The following MED13L variants were observed in gnomAD, a reference collection of about 807,000 sequenced individuals.
MED13L encodes the protein mediator complex subunit 13L, also known as mediator of RNA polymerase II transcription subunit 13-like.
In MED13L, 7 loss-of-function variants were observed where a neutral mutation model predicts 220.9. The ratio of observed to expected loss-of-function variants is 0.03; its 90% CI spans 0.02 to 0.06. The LOEUF is 0.06. Ranked by LOEUF, MED13L falls within the 10% of genes least tolerant of loss-of-function variation. The pLI, the probability that MED13L is intolerant of heterozygous loss-of-function variation, is 1.00. For missense variants in MED13L, 1,965 were observed against 2,760.5 expected (o/e 0.71, Z 6.46); for synonymous variants, 1,011 against 1,015.2 (o/e 1.00, Z 0.08).
intron 1 of MED13L, chr12:116,276,708 T>C (rs2138615006): frequency 1.8e-6 from 1 of 560,260 alleles, no homozygotes; most frequent in South Asian, 2.2e-5. Flanking sequence ...CTTCCACATT[T>C]ACGGGGGGAA....
intron 19 of MED13L, among the ~76,000 whole-genome samples, chr12:115,985,376 T>C (rs1434873222): frequency 2.6e-5 from 4 of 152,258 alleles, no homozygotes; most frequent in African/African-American, 9.6e-5. Context: ...TCCTCATTTC[T>C]TTGTAGCAAC....
chr12:116,102,156 G>A (rs533812222), intron 3 of MED13L, among the ~76,000 whole-genome samples: 17 of 152,324 alleles, frequency 1.1e-4, no homozygotes, highest in African/African-American at 4.1e-4. Context: ...GTGTGTATGT[G>A]TGTACCTAAT....
chr12:116,010,343 C>T (rs998392053), intron 9 of MED13L, among the ~76,000 whole-genome samples: 5 of 152,120 alleles, frequency 3.3e-5, no homozygotes, highest in African/African-American at 9.7e-5. Flanking sequence ...TATGAAGGTA[C>T]TTACTTTAAA....
intron 4 of MED13L, among the ~76,000 whole-genome samples, chr12:116,089,289 C>A (rs546083488): frequency 6.6e-6 from 1 of 152,246 alleles, no homozygotes; most frequent in East Asian, 1.9e-4. Context: ...AACTCCTGGG[C>A]TCAAGCAATC....
At chr12:115,967,071 T>C (rs1385189611) in intron 28 of MED13L, among the ~76,000 whole-genome samples, 24 of 144,588 alleles carry the variant, frequency 1.7e-4, no homozygotes. Context: ...CTCAGGAGGC[T>C]GAGGCAGGAG....
chr12:115,966,169 A>G lies in MED13L; in HGVS notation c.6300T>C (p.Phe2100=), dbSNP rs897429320. The G allele has an allele frequency of 1.2e-6, 2 of 1,614,168 alleles. No homozygotes were observed. The highest frequency in any genetic ancestry group is 1.7e-6 in the Non-Finnish European group (2 of 1,180,022). The change falls in exon 29 of 31, where the codon TTT becomes TTC. Residue 2100 remains phenylalanine, a synonymous_variant. Transcript: ENST00000281928. ...GATTCTCAGCTTTGGCAGTTGATAC[A>G]AAATACCCAAGGGCCAGGGGCTGCT... ...LKQQPLALGY[F]VSTAKAENLP... is the part of the protein sequence containing the mutation.
chr12:116,236,965 C>T, intron 2 of MED13L: 4 of 581,938 alleles, frequency 6.9e-6, no homozygotes, highest in South Asian at 1.5e-4. Flanking sequence ...CAGACCAGAT[C>T]CCATATATTC....
chr12:116,144,365 C>A (rs903668316), intron 2 of MED13L, among the ~76,000 whole-genome samples: 3 of 152,162 alleles, frequency 2.0e-5, no homozygotes, highest in African/African-American at 4.8e-5. Flanking sequence ...CCCAACAGTT[C>A]GACCCTGATA....
intron 2 of MED13L, among the ~76,000 whole-genome samples, chr12:116,190,901 G>A (rs952312794): frequency 5.9e-5 from 9 of 151,996 alleles, no homozygotes; most frequent in African/African-American, 1.9e-4. Context: ...AGACCAGCCT[G>A]AGCAATATGG....
At chr12:116,052,122 T>C (rs1003394682) in intron 4 of MED13L, among the ~76,000 whole-genome samples, 12 of 151,720 alleles carry the variant, frequency 7.9e-5, no homozygotes, top group African/African-American at 2.9e-4. Context: ...TATAAGAACA[T>C]TCTATACAGC....
chr12:116,274,179 T>A (rs1873621163), intron 1 of MED13L, among the ~76,000 whole-genome samples: 1 of 152,036 alleles, frequency 6.6e-6, no homozygotes, highest in Non-Finnish European at 1.5e-5. Context: ...TGCTGAAAAA[T>A]TAATTTAAGA....
At chr12:116,215,267 C>T (rs1185699185) in intron 2 of MED13L, among the ~76,000 whole-genome samples, 2 of 152,134 alleles carry the variant, frequency 1.3e-5, no homozygotes, top group Non-Finnish European at 2.9e-5. Context: ...TTCTTTGTTT[C>T]CTTCGCAGGT....
intron 2 of MED13L, among the ~76,000 whole-genome samples, chr12:116,173,154 T>A (rs185720498): frequency 6.6e-6 from 1 of 150,500 alleles, no homozygotes; most frequent in East Asian, 1.9e-4. Context: ...ATCATCAATC[T>A]AAAAAAACTA....
intron 4 of MED13L, among the ~76,000 whole-genome samples, chr12:116,072,412 C>A (rs1870447357): frequency 1.3e-5 from 2 of 152,192 alleles, no homozygotes; most frequent in Non-Finnish European, 2.9e-5. Context: ...AAAGAGACTT[C>A]TTTAGTAAAC....
intron 4 of MED13L, among the ~76,000 whole-genome samples, chr12:116,033,984 C>T (rs182801966): frequency 3.5e-4 from 53 of 152,202 alleles, no homozygotes; most frequent in Admixed American, 2.6e-3. Flanking sequence ...CAAGACTGAA[C>T]GCTCTCTGTG....
At chr12:116,000,964 A>G (rs1878700595) in intron 14 of MED13L, among the ~76,000 whole-genome samples, 1 of 152,198 alleles carries the variant, frequency 6.6e-6, no homozygotes, top group African/African-American at 2.4e-5. Flanking sequence ...AAAAAGTAAA[A>G]TATGTACAAC....
At chr12:116,242,440 T>C (rs1870745079) in intron 1 of MED13L, among the ~76,000 whole-genome samples, 1 of 152,214 alleles carries the variant, frequency 6.6e-6, no homozygotes, top group Non-Finnish European at 1.5e-5. Flanking sequence ...AAAATAATTA[T>C]AGATTCAAAA....
chr12:115,966,270 G>T, intron 28 of MED13L, 27 bp from the exon 29 acceptor site: 1 of 1,613,478 alleles, frequency 6.2e-7, no homozygotes. Context: ...CCAAAAACAT[G>T]ATCAGCATTT....
chr12:116,065,272 A>G (rs374525590), intron 4 of MED13L, among the ~76,000 whole-genome samples: 7 of 152,284 alleles, frequency 4.6e-5, no homozygotes, highest in African/African-American at 1.2e-4. Context: ...ACGTGTGTGT[A>G]TATGTGTTTG....
Sources: gnomAD v4.1 joint callset for allele counts (sites outside exome capture counted in the v4.1 genomes callset) on GRCh38, gnomAD v4.1.1 for gene constraint, MANE v1.5 for transcripts, NCBI Gene and HGNC (gene_info 2026-07-23, HGNC 2026-07-21) for gene names.